Variants in ADAMTSL2 observed in about 807,000 individuals in gnomAD.
ADAMTSL2 encodes the protein ADAMTS-like protein 2.
In ADAMTSL2, 55 loss-of-function variants were observed where a neutral mutation model predicts 117.0. The observed-to-expected ratio is 0.47, with a 90% confidence interval of 0.38 to 0.59. The LOEUF (loss-of-function observed/expected upper bound fraction) is 0.59. Ranked by LOEUF, ADAMTSL2 falls within the 20% of genes least tolerant of loss-of-function variation. ADAMTSL2 has a pLI of 0.00. For missense variants in ADAMTSL2, 1,182 were observed against 1,354.5 expected, an observed-to-expected ratio of 0.87 and a Z score of 2.00; for synonymous variants, 572 against 566.4, an observed-to-expected ratio of 1.01 and a Z score of -0.14.
rs1830719964 is a variant in ADAMTSL2, at chr9:133,561,209, A to G, written c.1661A>G (p.Lys554Arg). 1.2e-6 allele frequency: 2 copies of G among 1,606,992 alleles called. No homozygotes were observed. The highest frequency in any genetic ancestry group is 1.1e-5 in the South Asian group (1 of 89,402). ...GGTCTCGCTTTCAGGACCAGGCCCA[A>G]GGCGCGCAAGCAAGGCGTGAGTCCC... ...NRTHKARTRP[K>R]ARKQGVSPAD... Residue 554 changes from lysine to arginine, a missense_variant, in exon 12 of 19, where the codon AAG becomes AGG. Around this residue, in one of 3 missense-constraint regions of ADAMTSL2, gnomAD observed 345 missense variants for 325.8 expected, o/e 1.06. Coordinates refer to ENST00000651351, the MANE Select transcript of ADAMTSL2 (RefSeq NM_014694.4).
At chr9:133,549,541 CTTTT>C (rs33971536) in intron 9 of ADAMTSL2, among the ~76,000 whole-genome samples, 8,590 of 134,672 alleles carry the variant, frequency 0.064, 326 homozygotes, top group Admixed American at 0.11. Context: ...CTTTCCTACT[CTTTT>C]TTTTTTTTTT....
intron 8 of ADAMTSL2, among the ~76,000 whole-genome samples, chr9:133,545,845 C>T (rs1441177376): frequency 6.6e-6 from 1 of 152,128 alleles, no homozygotes; most frequent in Admixed American, 6.5e-5. Context: ...GGAAACAGGG[C>T]CGAGACAACC....
rs868852229 is a variant in ADAMTSL2 at position 133,564,305 on chromosome 9, A to G, written c.1748-2631A>G. Among the ~76,000 whole-genome samples the G allele has an allele frequency of 1.5e-3, 77 of 50,572 alleles. 3 individuals carry two copies. The highest frequency in any genetic ancestry group is 2.2e-3 in the Non-Finnish European group (53 of 24,328). The allele number at this position is 50,572 out of a possible 152,430, so 33.2% of individuals were successfully genotyped here. A position where few individuals can be genotyped will look rare whatever the true frequency, so the allele number is the denominator to read the frequency against. On this transcript the variant is annotated intron_variant, in intron 12 of 18. Coordinates refer to ENST00000651351, the MANE Select transcript of ADAMTSL2 (RefSeq NM_014694.4). ...GAGAGAGAGAGGGAGAGAGAGGGAG[A>G]GAGAGAGAAAGAGAGAGGGAGAGAG...
At chr9:133,565,839 C>CCACACACACACACA (rs71281253) in intron 12 of ADAMTSL2, among the ~76,000 whole-genome samples, 4 of 143,976 alleles carry the variant, frequency 2.8e-5, no homozygotes, top group African/African-American at 5.2e-5. Flanking sequence ...TCTCCCGTGG[C>CCACACACACACACA]CACACACACA....
chr9:133,559,686 G>A (rs7035403), intron 11 of ADAMTSL2, among the ~76,000 whole-genome samples: 87,212 of 151,684 alleles, frequency 0.57, 26,164 homozygotes, highest in African/African-American at 0.69. Flanking sequence ...TCTAAGTTCT[G>A]AAAGAGGGAG....
intron 12 of ADAMTSL2, among the ~76,000 whole-genome samples, chr9:133,566,440 C>T (rs1356539647): frequency 6.6e-6 from 1 of 151,948 alleles, no homozygotes; most frequent in East Asian, 1.9e-4. Context: ...GGCTCCATCT[C>T]AAAAAAAGAA....
At chr9:133,574,569 C>T (rs936026029) in intron 18 of ADAMTSL2, among the ~76,000 whole-genome samples, 177 bp from the exon 19 acceptor site, 7 of 152,120 alleles carry the variant, frequency 4.6e-5, no homozygotes, top group African/African-American at 7.2e-5. Flanking sequence ...TCTGGGACAG[C>T]GACATCTTGG....
chr9:133,535,369 A>G (rs1246007911), intron 1 of ADAMTSL2, among the ~76,000 whole-genome samples: 3 of 5,496 alleles, frequency 5.5e-4, no homozygotes, highest in Non-Finnish European at 7.6e-4. Flanking sequence ...TCTGCAGGGG[A>G]GGGAGGTGGG....
At chr9:133,569,671 GAA>G in intron 16 of ADAMTSL2, 93 bp downstream of exon 16, 1 of 1,261,294 alleles carries the variant, frequency 7.9e-7, no homozygotes, top group Non-Finnish European at 1.1e-6. Context: ...ACAGATGGGT[GAA>G]AAAGAGGAAT....
chr9:133,573,790 GC>G, intron 17 of ADAMTSL2, 52 bp from the exon 18 acceptor site: 1 of 1,611,752 alleles, frequency 6.2e-7, no homozygotes, highest in Non-Finnish European at 8.5e-7. Flanking sequence ...CCCTGCCCAG[GC>G]CCCTGCCCCA....
At position 133,573,995 on chromosome 9, in the gene ADAMTSL2, G is replaced by A. The variant is rs1405961038; in HGVS notation, c.2737+8G>A. On this transcript the variant is annotated splice_region_variant and intron_variant, in intron 18 of 18. Coordinates refer to ENST00000651351, the MANE Select transcript of ADAMTSL2 (RefSeq NM_014694.4). Reference sequence around the variant, plus strand: ...GCCCCACGGAGCCCCCAGGTGAGGCGCGGGGAGGCCGAGGGTGGCTCTGGG... The same window carrying A: ...GCCCCACGGAGCCCCCAGGTGAGGCACGGGGAGGCCGAGGGTGGCTCTGGG... 1.1e-5 allele frequency: 18 copies of A among 1,610,862 alleles called. No individual in the cohort carries two copies. The highest frequency in any genetic ancestry group is 1.7e-4 in the Middle Eastern group (1 of 6,056).
At chr9:133,545,436 T>A (rs560467682) in intron 8 of ADAMTSL2, among the ~76,000 whole-genome samples, 2 of 152,328 alleles carry the variant, frequency 1.3e-5, no homozygotes, top group East Asian at 3.9e-4. Context: ...GCTGAAGGTC[T>A]TCAGGCTGGG....
At chr9:133,553,046 G>A (rs368165436) in intron 9 of ADAMTSL2, among the ~76,000 whole-genome samples, 1 of 152,202 alleles carries the variant, frequency 6.6e-6, no homozygotes, top group Non-Finnish European at 1.5e-5. Flanking sequence ...TATTGGTCTG[G>A]TGGCTGGGAG....
rs1830720794 is a variant in ADAMTSL2 at position 133,561,227 on chromosome 9, T to C, written c.1679T>C (p.Val560Ala). 3.1e-6 allele frequency: 5 copies of C among 1,608,350 alleles called. No homozygotes were observed. Among genetic ancestry groups the C allele is most frequent in the Admixed American group, 1.7e-5 (1 of 59,556 alleles). The change falls in exon 12 of 19, where the codon GTG becomes GCG. Residue 560 changes from valine to alanine, a missense_variant. Coordinates refer to ENST00000651351, the MANE Select transcript of ADAMTSL2 (RefSeq NM_014694.4). ...AGGCCCAAGGCGCGCAAGCAAGGCG[T>C]GAGTCCCGCGGACATGTACCGGTGG... ...RTRPKARKQGVSPADMYRWKL... is the reference protein window; with the variant it reads ...RTRPKARKQGASPADMYRWKL...
intron 9 of ADAMTSL2, among the ~76,000 whole-genome samples, chr9:133,551,812 C>CTTTTTTTTTTTTTTTTTTTTTTTTT (rs56225051): frequency 2.7e-5 from 3 of 111,064 alleles, no homozygotes; most frequent in East Asian, 3.2e-4. Flanking sequence ...AAAGCAGCAG[C>CTTTTTTTTTTTTTTTTTTTTTTTTT]TTTTTTTTTT....
intron 17 of ADAMTSL2, 53 bp downstream of exon 17, chr9:133,570,560 G>C: frequency 1.3e-6 from 2 of 1,552,078 alleles, no homozygotes; most frequent in East Asian, 2.4e-5. Flanking sequence ...CCTGAATGTC[G>C]ATCCCGCCCC....
intron 8 of ADAMTSL2, 110 bp from the exon 9 acceptor site, chr9:133,546,928 T>C (rs1414805557): frequency 8.6e-7 from 1 of 1,159,296 alleles, no homozygotes; most frequent in East Asian, 2.3e-5. Context: ...TCGGGAGCAT[T>C]TGAGCCGGGG....
chr9:133,566,405 C>T (rs1033294118), intron 12 of ADAMTSL2, among the ~76,000 whole-genome samples: 4 of 152,324 alleles, frequency 2.6e-5, no homozygotes, highest in Admixed American at 2.6e-4. Context: ...TGCACCATTG[C>T]ACTACAGCCT....
At chr9:133,560,891 G>A (rs1830711451) in intron 11 of ADAMTSL2, among the ~76,000 whole-genome samples, 1 of 152,250 alleles carries the variant, frequency 6.6e-6, no homozygotes, top group Non-Finnish European at 1.5e-5. Flanking sequence ...CAACTACAGT[G>A]CTGGGGGCCC....
Sources: allele counts gnomAD v4.1 joint callset (sites outside exome capture counted in the v4.1 genomes callset), GRCh38; gene constraint gnomAD v4.1.1; regional missense constraint gnomAD v4.1.1; transcripts MANE v1.5; gene names NCBI Gene and HGNC (gene_info 2026-07-23, HGNC 2026-07-21).